Variants in ACYP2 observed in about 807,000 individuals in gnomAD.
The protein encoded by ACYP2 is acylphosphatase 2, also known as acylphosphatase-2.
ACYP2 carries 12 observed loss-of-function variants against 11.2 expected under a neutral mutation model. That is an observed-to-expected ratio of 1.08 (90% confidence interval 0.69 to 1.74). ACYP2 has a LOEUF of 1.74. Among genes scored for constraint, ACYP2 ranks in the 40% most tolerant of loss-of-function variants. The probability of loss-of-function intolerance (pLI) is 0.00; values close to 1 mark genes in which losing one functional copy is unlikely to be tolerated. For synonymous variants in ACYP2, 43 were observed against 32.2 expected, an observed-to-expected ratio of 1.33 and a Z score of -1.13; for missense variants, 134 against 101.9, an observed-to-expected ratio of 1.31 and a Z score of -1.35.
chr2:54,213,363 C>T (rs1480471868), intron 6 of ACYP2, among the ~76,000 whole-genome samples: 1 of 152,000 alleles, frequency 6.6e-6, no homozygotes, highest in African/African-American at 2.4e-5. Context: ...AGATGGATTC[C>T]ATGTCTTTGC....
At chr2:54,089,952 C>T (rs972396720) in intron 4 of ACYP2, among the ~76,000 whole-genome samples, 1 of 151,524 alleles carries the variant, frequency 6.6e-6, no homozygotes, top group African/African-American at 2.4e-5. Flanking sequence ...TCGAGGCCAG[C>T]CTGGCTAAGA....
Position 54,255,066 on chromosome 2 carries a change from G to A in ACYP2, c.405-49622G>A, listed in dbSNP as rs762632198. 9.3e-6 allele frequency: 15 copies of A among 1,613,976 alleles called. 1 individual carries two copies. Among genetic ancestry groups the A allele is most frequent in the East Asian group, 8.9e-5 (4 of 44,882 alleles). Reference sequence around the variant, plus strand: ...CTTTAATAATCTGAGCAATCCTGTCGGACTCTGGAAGGCTGTGGTCTGAAA... The same window carrying A: ...CTTTAATAATCTGAGCAATCCTGTCAGACTCTGGAAGGCTGTGGTCTGAAA... On this transcript the variant is annotated intron_variant, in intron 6 of 6. Transcript: ENST00000607452.
At chr2:54,133,749 C>A (rs1681064851) in intron 4 of ACYP2, among the ~76,000 whole-genome samples, 2 of 152,144 alleles carry the variant, frequency 1.3e-5, no homozygotes, top group Admixed American at 6.5e-5. Context: ...TGTAAGAAGG[C>A]CTTCCCTTTC....
chr2:54,146,705 G>A (rs575140385), intron 6 of ACYP2, among the ~76,000 whole-genome samples: 1 of 151,686 alleles, frequency 6.6e-6, no homozygotes, highest in Admixed American at 6.6e-5. Context: ...CTCTTTCATA[G>A]CATCTCATTC....
At chr2:54,003,346 GC>G (rs777923820) in intron 2 of ACYP2, among the ~76,000 whole-genome samples, 87 of 151,592 alleles carry the variant, frequency 5.7e-4, no homozygotes, top group Non-Finnish European at 9.6e-4. Flanking sequence ...CGCAACCTCC[GC>G]CTCCCAAGTT....
At chr2:53,979,645 A>T (rs759474855) in intron 2 of ACYP2, among the ~76,000 whole-genome samples, 23 of 150,898 alleles carry the variant, frequency 1.5e-4, no homozygotes, top group Middle Eastern at 3.4e-3. Context: ...AAAAAAAATT[A>T]AAAAAAAAGG....
chr2:54,267,372 G>A (rs1573020466), intron 6 of ACYP2: 1 of 1,540,652 alleles, frequency 6.5e-7, no homozygotes, highest in East Asian at 2.5e-5. Flanking sequence ...TCAGGTGAGA[G>A]GTTTCTACTT....
intron 4 of ACYP2, among the ~76,000 whole-genome samples, chr2:54,096,660 G>A (rs926627615): frequency 3.9e-5 from 6 of 152,112 alleles, no homozygotes; most frequent in African/African-American, 1.4e-4. Context: ...GCGAAACCCC[G>A]TCTCCACCAA....
intron 6 of ACYP2, among the ~76,000 whole-genome samples, chr2:54,211,870 TA>T (rs2103931918): frequency 6.6e-6 from 1 of 152,326 alleles, no homozygotes; most frequent in East Asian, 1.9e-4. Context: ...AGCAAACTTG[TA>T]TGCTTCATGA....
chr2:54,229,395 G>A (rs976322693), intron 6 of ACYP2, among the ~76,000 whole-genome samples: 7 of 152,092 alleles, frequency 4.6e-5, no homozygotes, highest in African/African-American at 7.2e-5. Flanking sequence ...CAGAGTTCAC[G>A]AAGCCATTTG....
chr2:54,256,619 T>C (rs1288227997), intron 6 of ACYP2, among the ~76,000 whole-genome samples: 1 of 152,190 alleles, frequency 6.6e-6, no homozygotes, highest in Non-Finnish European at 1.5e-5. Context: ...AGTATAGGTA[T>C]TACAAATATT....
At chr2:53,977,562 A>C (rs1671554999) in intron 2 of ACYP2, among the ~76,000 whole-genome samples, 1 of 151,694 alleles carries the variant, frequency 6.6e-6, no homozygotes, top group Non-Finnish European at 1.5e-5. Flanking sequence ...GTGAAACCCC[A>C]TGTCTACTAA....
At chr2:54,246,381 T>C (rs1162135121) in intron 6 of ACYP2, among the ~76,000 whole-genome samples, 1 of 152,194 alleles carries the variant, frequency 6.6e-6, no homozygotes, top group Non-Finnish European at 1.5e-5. Context: ...TAACTTGGTA[T>C]GTCTTCCCCT....
At chr2:54,273,563 C>G (rs1347480958) in intron 6 of ACYP2, among the ~76,000 whole-genome samples, 2 of 152,186 alleles carry the variant, frequency 1.3e-5, no homozygotes, top group African/African-American at 4.8e-5. Flanking sequence ...CTCCTGGATT[C>G]AAGCAATTCT....
At chr2:54,115,588 C>G in intron 4 of ACYP2, 27 bp from the exon 1 acceptor site, 1 of 1,543,066 alleles carries the variant, frequency 6.5e-7, no homozygotes, top group Non-Finnish European at 8.7e-7. Flanking sequence ...GGACCGGTGA[C>G]AGGCGCGGGG....
chr2:54,094,080 T>C (rs1404132335), intron 4 of ACYP2, among the ~76,000 whole-genome samples: 1 of 152,112 alleles, frequency 6.6e-6, no homozygotes, highest in African/African-American at 2.4e-5. Context: ...ATGTTAGAGA[T>C]ACTGGCAATG....
Position 54,115,897 on chromosome 2 carries a change from C to CGGGGGG in ACYP2, c.278-19552_278-19551insGGGGGG, listed in dbSNP as rs1553373981. On this transcript the variant is annotated intron_variant, in intron 4 of 6. Coordinates refer to ENST00000607452, the MANE Select transcript of ACYP2 (RefSeq NM_001320586.2). The stretch of plus-strand genomic sequence containing the variant: ...CTCCGCCATGACACAGCAGCGGCGG[C>CGGGGGG]GGGGAGGGAGGCGAAACGCGCATGC... 8.8e-6 allele frequency: 10 copies of CGGGGGG among 1,139,378 alleles called. No homozygotes were observed. The African/African-American group carries it at 2.0e-4, about 22-fold the overall frequency. 70.6% of individuals were successfully genotyped at this position (1,139,378 alleles called of 1,614,324 possible).
At chr2:54,051,135 A>T (rs1331355234) in intron 3 of ACYP2, 1 of 677,714 alleles carries the variant, frequency 1.5e-6, no homozygotes, top group African/African-American at 1.8e-5. Context: ...TGAACTCCAT[A>T]GAGACAGCAC....
At chr2:54,155,290 T>G (rs1344029088) in intron 6 of ACYP2, among the ~76,000 whole-genome samples, 1 of 152,238 alleles carries the variant, frequency 6.6e-6, no homozygotes, top group Non-Finnish European at 1.5e-5. Flanking sequence ...TAGTCTCTAT[T>G]TTATTTATTT....
Sources: gnomAD v4.1 joint callset for allele counts (sites outside exome capture counted in the v4.1 genomes callset) on GRCh38, gnomAD v4.1.1 for gene constraint, MANE v1.5 for transcripts, NCBI Gene and HGNC (gene_info 2026-07-23, HGNC 2026-07-21) for gene names.